Variants in PLCG2 observed in about 807,000 individuals in gnomAD.
PLCG2 encodes the protein 1-phosphatidylinositol 4,5-bisphosphate phosphodiesterase gamma-2.
A neutral mutation model predicts 175.6 loss-of-function variants in PLCG2; 69 were observed. The observed-to-expected ratio is 0.39, with a 90% CI of 0.32 to 0.48. PLCG2 has a LOEUF of 0.48. PLCG2 is among the 20% of genes least tolerant of loss of function. The probability of loss-of-function intolerance (pLI) is 0.91; values close to 1 mark genes in which losing one functional copy is unlikely to be tolerated. For synonymous variants in PLCG2, 827 were observed against 624.0 expected (o/e 1.33, Z -4.85); for missense variants, 1,798 against 1,650.9 (o/e 1.09, Z -1.54).
chr16:81,946,299 C>A (rs753796065), intron 31 of PLCG2, 36 bp downstream of exon 31: 18 of 1,474,362 alleles, frequency 1.2e-5, no homozygotes, highest in Non-Finnish European at 1.7e-5. Flanking sequence ...GTTCCCTGAG[C>A]TATGCCTGCT....
chr16:81,928,267 TG>T (rs1910359623), intron 23 of PLCG2, among the ~76,000 whole-genome samples: 1 of 152,104 alleles, frequency 6.6e-6, no homozygotes, highest in Non-Finnish European at 1.5e-5. Context: ...AGGATGTGTT[TG>T]GAAACCAGAT....
intron 2 of PLCG2, among the ~76,000 whole-genome samples, chr16:81,818,241 C>T (rs952886189): frequency 7.2e-5 from 11 of 152,244 alleles, no homozygotes; most frequent in African/African-American, 2.7e-4. Flanking sequence ...AAGTCTGTGG[C>T]TCAGTCAGCT....
chr16:81,936,536 C>T (rs1176518859), intron 27 of PLCG2, among the ~76,000 whole-genome samples, 158 bp downstream of exon 27: 1 of 152,166 alleles, frequency 6.6e-6, no homozygotes, highest in Non-Finnish European at 1.5e-5. Flanking sequence ...AGTATGAGGT[C>T]CAGCAGCTGA....
At chr16:81,739,449 T>C (rs2143036928) in intron 1 of PLCG2, 1 of 152,242 alleles carries the variant, frequency 6.6e-6, no homozygotes, top group South Asian at 2.1e-4. Context: ...AAGTGGCCTC[T>C]ATTTCTGGTA....
chr16:81,810,087 G>A (rs946301527), intron 2 of PLCG2, among the ~76,000 whole-genome samples: 2 of 151,974 alleles, frequency 1.3e-5, no homozygotes, highest in African/African-American at 4.8e-5. Flanking sequence ...CTCCTCCTGG[G>A]TTCAAGTGAT....
intron 2 of PLCG2, among the ~76,000 whole-genome samples, chr16:81,834,843 C>G (rs149880129): frequency 6.6e-6 from 1 of 152,322 alleles, no homozygotes; most frequent in Non-Finnish European, 1.5e-5. Flanking sequence ...TTTATTTGTT[C>G]CTTTGGTCTT....
intron 2 of PLCG2, among the ~76,000 whole-genome samples, chr16:81,823,320 C>T (rs1406648082): frequency 3.3e-5 from 5 of 152,148 alleles, no homozygotes; most frequent in Admixed American, 1.3e-4. Flanking sequence ...CTTCCTCTCT[C>T]GACAGAAACG....
intron 26 of PLCG2, 76 bp downstream of exon 26, chr16:81,934,607 G>T: frequency 1.1e-6 from 1 of 898,600 alleles, no homozygotes; most frequent in Non-Finnish European, 1.8e-6. Flanking sequence ...TATTTTCAGA[G>T]GGGGCAGAGA....
Position 81,880,949 on chromosome 16 carries a change from C to G in PLCG2, c.688C>G (p.Leu230Val). ...CAAAAAGGATTCGTCCGTGTTCATC[C>G]TGGGGTGAGGCAGCTCTTGTGTGTC... ...EFKKDSSVFI[L>V]GNTDRPDASA... is the part of the protein sequence containing the mutation. The change falls in exon 8 of 33, where the codon CTG (leucine) becomes GTG (valine). Residue 230 changes from leucine (L) to valine (V), a missense_variant. By Grantham distance (32) the Leu-to-Val change is conservative. Transcript: ENST00000564138. 1 of 1,614,114 alleles carries G rather than the reference C, an allele frequency of 6.2e-7. No individual in the cohort carries two copies. Among genetic ancestry groups the G allele is most frequent in the South Asian group, 1.1e-5 (1 of 91,080 alleles).
At chr16:81,743,773 C>T (rs1909646671) in intron 1 of PLCG2, among the ~76,000 whole-genome samples, 1 of 152,164 alleles carries the variant, frequency 6.6e-6, no homozygotes, top group South Asian at 2.1e-4. Flanking sequence ...AGACTAAGTC[C>T]CAATGACATT....
At chr16:81,923,435 C>G (rs1910136792) in intron 21 of PLCG2, 50 bp from the exon 22 acceptor site, 2 of 1,181,084 alleles carry the variant, frequency 1.7e-6, no homozygotes, top group Admixed American at 1.8e-5. Flanking sequence ...AGCCGCCTCC[C>G]TCCCCTCCTG....
chr16:81,938,524 G>A, intron 28 of PLCG2: 1 of 467,732 alleles, frequency 2.1e-6, no homozygotes, highest in Non-Finnish European at 3.8e-6. Flanking sequence ...ACCTGCTTGG[G>A]CATGGATGTG....
chr16:81,812,251 G>C (rs9746892), intron 2 of PLCG2, among the ~76,000 whole-genome samples: 1 of 151,616 alleles, frequency 6.6e-6, no homozygotes, highest in Non-Finnish European at 1.5e-5. Context: ...AAGTTTCACC[G>C]TGTTAGCCAG....
rs77545575 is a variant in PLCG2 at position 81,840,592 on chromosome 16, A to G, written c.194-13852A>G. Reference sequence around the variant, plus strand: ...GGCATTAGATTCTCATAAAGAGTGTACAACCTGGGTCCCTCACATGTGCAG... The same window carrying G: ...GGCATTAGATTCTCATAAAGAGTGTGCAACCTGGGTCCCTCACATGTGCAG... On this transcript the variant is annotated intron_variant, in intron 2 of 32. Transcript: ENST00000564138. 8.5e-3 allele frequency among the ~76,000 whole-genome samples: 1,302 copies of G among 152,302 alleles called. 22 individuals are homozygous for G. Among genetic ancestry groups the G allele is most frequent in the African/African-American group, 0.028 (1,160 of 41,562 alleles).
chr16:81,866,480 T>G (rs61370372), intron 5 of PLCG2, among the ~76,000 whole-genome samples: 5 of 38,458 alleles, frequency 1.3e-4, no homozygotes, highest in Admixed American at 3.8e-4. Context: ...CCCAGGATGG[T>G]CTCCACTGGG....
intron 25 of PLCG2, among the ~76,000 whole-genome samples, chr16:81,932,297 C>G (rs1002716114): frequency 5.9e-5 from 9 of 152,192 alleles, no homozygotes; most frequent in Non-Finnish European, 1.5e-5. Context: ...TTCTCTGGGC[C>G]TCAGTTTCCT....
rs139297646 is a variant in PLCG2 at position 81,821,462 on chromosome 16, C to T, written c.194-32982C>T. Among the ~76,000 whole-genome samples, 894 of 152,124 alleles carry T rather than the reference C, an allele frequency of 5.9e-3. 4 individuals carry two copies. The highest frequency in any genetic ancestry group is 0.014 in the Middle Eastern group (4 of 294). ...CAGCCTCGGTGGCTGTTGCCTTCCT[C>T]GAGGGCTCGAATGCTGTGTGTCTTG... On this transcript the variant is annotated intron_variant, in intron 2 of 32. Coordinates refer to ENST00000564138, the MANE Select transcript of PLCG2 (RefSeq NM_002661.5).
intron 5 of PLCG2, among the ~76,000 whole-genome samples, chr16:81,868,928 C>T (rs1221167150): frequency 6.6e-6 from 1 of 152,230 alleles, no homozygotes; most frequent in African/African-American, 2.4e-5. Context: ...TGACCTATGT[C>T]CCTGGACATA....
chr16:81,881,213 C>T (rs987621279), intron 8 of PLCG2, among the ~76,000 whole-genome samples: 3 of 151,554 alleles, frequency 2.0e-5, no homozygotes, highest in East Asian at 1.9e-4. Flanking sequence ...CTCCTTTCCC[C>T]GAATGTGCCT....
Sources: allele counts gnomAD v4.1 joint callset (sites outside exome capture counted in the v4.1 genomes callset), GRCh38; gene constraint gnomAD v4.1.1; transcripts MANE v1.5; gene names NCBI Gene and HGNC (gene_info 2026-07-23, HGNC 2026-07-21).